Variants in MCTP1 observed in about 807,000 individuals in gnomAD.
MCTP1 encodes multiple C2 and transmembrane domain-containing protein 1.
A neutral mutation model predicts 120.6 loss-of-function variants in MCTP1; 69 were observed. The observed-to-expected ratio is 0.57, with a 90% CI of 0.47 to 0.70. The LOEUF (loss-of-function observed/expected upper bound fraction) is 0.70. Ranked by LOEUF, MCTP1 falls within the 30% of genes least tolerant of loss-of-function variation. The pLI is 0.00. For synonymous variants in MCTP1, 529 were observed against 493.1 expected, an observed-to-expected ratio of 1.07 and a Z score of -0.96; for missense variants, 1,203 against 1,248.8, an observed-to-expected ratio of 0.96 and a Z score of 0.55.
At chr5:95,182,613 ATT>A (rs1416554665) in intron 1 of MCTP1, among the ~76,000 whole-genome samples, 1 of 152,144 alleles carries the variant, frequency 6.6e-6, no homozygotes, top group Admixed American at 6.5e-5. Flanking sequence ...TTTTACAATC[ATT>A]TTGCATGGTT....
intron 19 of MCTP1, among the ~76,000 whole-genome samples, chr5:94,734,888 G>A (rs559913534): frequency 6.6e-6 from 1 of 152,082 alleles, no homozygotes; most frequent in Admixed American, 6.5e-5. Flanking sequence ...CATTCTTCCA[G>A]CTTCATCATG....
intron 2 of MCTP1, among the ~76,000 whole-genome samples, chr5:95,003,399 G>T (rs2153639733): frequency 6.6e-6 from 1 of 152,300 alleles, no homozygotes; most frequent in African/African-American, 2.4e-5. Context: ...ATAGCATATA[G>T]CTTTGGTGGT....
In MCTP1 at chr5:95,061,408, G is replaced by GTTGTTTTTTTTTTT. The variant is rs1749067994; in HGVS notation, c.721-43925_721-43924insAAAAAAAAAAACAA. On this transcript the variant is annotated intron_variant, in intron 1 of 22. Transcript: ENST00000515393. Reference sequence around the variant, plus strand: ...ATCAATTTTCACAAACCCCTTAAGGGTTTTTTTTTTTTTTTTTTTTTTTTT... The same window carrying GTTGTTTTTTTTTTT: ...ATCAATTTTCACAAACCCCTTAAGGGTTGTTTTTTTTTTTTTTTTTTTTTTTTTTTTTTTTTTTT... Among the ~76,000 whole-genome samples, 25 of 33,484 alleles carry GTTGTTTTTTTTTTT rather than the reference G, an allele frequency of 7.5e-4. 4 individuals are homozygous for GTTGTTTTTTTTTTT. Among genetic ancestry groups the GTTGTTTTTTTTTTT allele is most frequent in the Non-Finnish European group, 1.2e-3 (20 of 16,074 alleles). 22.0% of individuals were successfully genotyped at this position (33,484 alleles called of 152,430 possible).
chr5:94,751,316 A>C (rs1768240928), intron 19 of MCTP1, among the ~76,000 whole-genome samples: 1 of 151,840 alleles, frequency 6.6e-6, no homozygotes, highest in African/African-American at 2.4e-5. Flanking sequence ...TTTTTAGTTC[A>C]GGTAATTTAG....
At chr5:95,272,262 T>C (rs1275653141) in intron 1 of MCTP1, among the ~76,000 whole-genome samples, 1 of 152,182 alleles carries the variant, frequency 6.6e-6, no homozygotes, top group African/African-American at 2.4e-5. Flanking sequence ...AAAAAATATA[T>C]TATAAAAGCT....
At chr5:95,278,232 G>A (rs1760010465) in intron 1 of MCTP1, among the ~76,000 whole-genome samples, 1 of 152,158 alleles carries the variant, frequency 6.6e-6, no homozygotes, top group Non-Finnish European at 1.5e-5. Flanking sequence ...AAGGTTGATG[G>A]TGAAGAGCAA....
At chr5:95,142,426 T>C (rs924544176) in intron 1 of MCTP1, among the ~76,000 whole-genome samples, 1 of 152,174 alleles carries the variant, frequency 6.6e-6, no homozygotes, top group South Asian at 2.1e-4. Flanking sequence ...AAGGAACAAC[T>C]CCCCAGCATG....
At chr5:94,823,471 G>A (rs1786163209) in intron 17 of MCTP1, among the ~76,000 whole-genome samples, 1 of 152,174 alleles carries the variant, frequency 6.6e-6, no homozygotes, top group South Asian at 2.1e-4. Flanking sequence ...TTGAAGTCAG[G>A]TAGCATTATG....
intron 19 of MCTP1, among the ~76,000 whole-genome samples, chr5:94,746,090 C>A (rs997845319): frequency 3.9e-5 from 6 of 152,180 alleles, no homozygotes; most frequent in African/African-American, 1.4e-4. Flanking sequence ...CCTTTTCCAG[C>A]TCTTTGGCCA....
At chr5:94,936,033 A>C (rs1215992971) in intron 5 of MCTP1, among the ~76,000 whole-genome samples, 1 of 152,070 alleles carries the variant, frequency 6.6e-6, no homozygotes, top group African/African-American at 2.4e-5. Context: ...GATACTTGAC[A>C]TGTTACAGAA....
chr5:94,780,938 A>G (rs1776435853), intron 18 of MCTP1, among the ~76,000 whole-genome samples: 1 of 152,182 alleles, frequency 6.6e-6, no homozygotes, highest in Admixed American at 6.6e-5. Context: ...GACAATAGTG[A>G]CAATATATAG....
intron 1 of MCTP1, among the ~76,000 whole-genome samples, chr5:95,220,746 C>T (rs906729420): frequency 6.6e-6 from 1 of 152,178 alleles, no homozygotes; most frequent in Non-Finnish European, 1.5e-5. Flanking sequence ...ATAAGTCATG[C>T]TAATGTTGAA....
chr5:94,880,823 T>C (rs993199886), intron 12 of MCTP1, among the ~76,000 whole-genome samples: 8 of 152,176 alleles, frequency 5.3e-5, no homozygotes, highest in Non-Finnish European at 1.0e-4. Flanking sequence ...ACGTCATGTA[T>C]AAAATTATGT....
chr5:94,925,886 T>G (rs78529704), intron 6 of MCTP1, among the ~76,000 whole-genome samples: 348 of 152,118 alleles, frequency 2.3e-3, no homozygotes, highest in African/African-American at 8.1e-3. Flanking sequence ...TGGGAATATC[T>G]TATTTGTTTC....
At chr5:95,196,124 T>C (rs1750367126) in intron 1 of MCTP1, among the ~76,000 whole-genome samples, 1 of 152,236 alleles carries the variant, frequency 6.6e-6, no homozygotes, top group South Asian at 2.1e-4. Context: ...TTTAAGTGTC[T>C]GAGCAGACAA....
intron 2 of MCTP1, among the ~76,000 whole-genome samples, chr5:95,012,521 A>G (rs1836219224): frequency 6.6e-6 from 1 of 152,112 alleles, no homozygotes; most frequent in Admixed American, 6.6e-5. Context: ...TACCTTGATC[A>G]AGTCTATCAG....
intron 2 of MCTP1, among the ~76,000 whole-genome samples, chr5:94,981,551 A>T (rs953400041): frequency 1.3e-5 from 2 of 152,150 alleles, no homozygotes; most frequent in Non-Finnish European, 2.9e-5. Flanking sequence ...GTCTCCCTCC[A>T]TTCTAGTGGA....
chr5:94,742,078 G>T (rs1385293821), intron 19 of MCTP1, among the ~76,000 whole-genome samples: 13 of 113,642 alleles, frequency 1.1e-4, no homozygotes, highest in Non-Finnish European at 5.3e-5. Context: ...AATCTTTAGT[G>T]TCATTAAGGT....
chr5:95,127,270 A>G (rs1418240745), intron 1 of MCTP1, among the ~76,000 whole-genome samples: 1 of 152,046 alleles, frequency 6.6e-6, no homozygotes, highest in Admixed American at 6.5e-5. Flanking sequence ...TTACTCATTC[A>G]TCTGTTCATT....
Sources: gnomAD v4.1 joint callset for allele counts (sites outside exome capture counted in the v4.1 genomes callset) on GRCh38, gnomAD v4.1.1 for gene constraint, MANE v1.5 for transcripts, NCBI Gene and HGNC (gene_info 2026-07-23, HGNC 2026-07-21) for gene names.